Variants in PDGFD observed in about 807,000 individuals in gnomAD.
PDGFD encodes platelet-derived growth factor D.
PDGFD carries 30 observed loss-of-function variants against 44.7 expected under a neutral mutation model. That is an observed-to-expected ratio of 0.67 (90% confidence interval 0.50 to 0.91). The LOEUF (loss-of-function observed/expected upper bound fraction) is 0.91. Ranked by LOEUF, PDGFD falls within the 40% of genes least tolerant of loss-of-function variation. PDGFD has a pLI of 0.00. For synonymous variants in PDGFD, 173 were observed against 168.4 expected (o/e 1.03, Z -0.21); for missense variants, 445 against 457.8 (o/e 0.97, Z 0.25).
chr11:103,973,426 C>T (rs143384860), intron 3 of PDGFD, among the ~76,000 whole-genome samples: 1 of 151,664 alleles, frequency 6.6e-6, no homozygotes, highest in Non-Finnish European at 1.5e-5. Context: ...GGAATACAGG[C>T]GTGAGAAAAG....
chr11:104,039,510 C>T lies in PDGFD; in HGVS notation c.125-39255G>A, dbSNP rs1257893344. 2.6e-5 allele frequency among the ~76,000 whole-genome samples: 4 copies of T among 152,186 alleles called. No homozygotes were observed. The East Asian group carries it at 5.8e-4, about 22-fold the overall frequency. ...AAGAGAGTCACCTCTTCCTTTCTAG[C>T]CACCATCAGTTCACCTCCCATTTTT... On this transcript the variant is annotated intron_variant, in intron 1 of 6. Coordinates refer to ENST00000393158, the MANE Select transcript of PDGFD (RefSeq NM_025208.5).
intron 1 of PDGFD, among the ~76,000 whole-genome samples, chr11:104,069,357 A>G (rs1345345725): frequency 1.3e-5 from 2 of 152,192 alleles, no homozygotes; most frequent in East Asian, 3.8e-4. Flanking sequence ...TGTCTATTAG[A>G]CTCACAAATG....
chr11:104,006,783 T>C (rs942428060), intron 1 of PDGFD, among the ~76,000 whole-genome samples: 1 of 151,676 alleles, frequency 6.6e-6, no homozygotes, highest in South Asian at 2.1e-4. Flanking sequence ...CAGGGAAGAG[T>C]ATATTCCCAC....
At chr11:103,988,266 A>G (rs1859400015) in intron 3 of PDGFD, among the ~76,000 whole-genome samples, 1 of 152,006 alleles carries the variant, frequency 6.6e-6, no homozygotes, top group Non-Finnish European at 1.5e-5. Context: ...TTATCTAAAA[A>G]TCACTACATT....
intron 6 of PDGFD, among the ~76,000 whole-genome samples, chr11:103,922,654 AT>A (rs1858243853): frequency 6.6e-6 from 1 of 152,092 alleles, no homozygotes; most frequent in Non-Finnish European, 1.5e-5. Flanking sequence ...GGCTCAAGCA[AT>A]TCTCCTGCCT....
chr11:104,126,886 CAGAGTAAAAAATTACATG>C (rs113401077), intron 1 of PDGFD, among the ~76,000 whole-genome samples: 19,830 of 152,052 alleles, frequency 0.13, 1,429 homozygotes, highest in East Asian at 0.29. Context: ...ATGATACCCT[CAGAGTAAAAAATTACATG>C]AGCTCTCACA....
intron 1 of PDGFD, among the ~76,000 whole-genome samples, chr11:104,093,802 G>C (rs1389174163): frequency 6.7e-6 from 1 of 150,108 alleles, no homozygotes; most frequent in Non-Finnish European, 1.5e-5. Context: ...TCCCTCGCAT[G>C]CTTCTGAATC....
At chr11:104,036,678 C>T (rs1013907386) in intron 1 of PDGFD, 5 of 669,846 alleles carry the variant, frequency 7.5e-6, no homozygotes, top group African/African-American at 1.8e-5. Context: ...GATGAGTGTC[C>T]GCGCCTCTCT....
chr11:103,998,592 G>T (rs558366828), intron 2 of PDGFD, among the ~76,000 whole-genome samples: 1 of 152,260 alleles, frequency 6.6e-6, no homozygotes, highest in Admixed American at 6.5e-5. Context: ...ACTGGTAATA[G>T]CAAGGAAACT....
chr11:103,956,067 A>AT (rs34481866), intron 3 of PDGFD, among the ~76,000 whole-genome samples: 83 of 143,884 alleles, frequency 5.8e-4, no homozygotes, highest in Middle Eastern at 3.5e-3. Flanking sequence ...TAGTTTGGGA[A>AT]TTTTTTTTTT....
At chr11:104,122,296 T>C (rs751440956) in intron 1 of PDGFD, among the ~76,000 whole-genome samples, 1 of 152,000 alleles carries the variant, frequency 6.6e-6, no homozygotes, top group Admixed American at 6.6e-5. Context: ...ATAAGCAACA[T>C]GGTGCAGGTC....
At chr11:103,965,167 C>T (rs548842901) in intron 3 of PDGFD, among the ~76,000 whole-genome samples, 4 of 152,092 alleles carry the variant, frequency 2.6e-5, no homozygotes, top group African/African-American at 9.7e-5. Flanking sequence ...TCACTCTGCT[C>T]TCTCTGCATT....
intron 1 of PDGFD, chr11:104,037,562 A>C (rs1860271235): frequency 6.2e-7 from 1 of 1,613,928 alleles, no homozygotes; most frequent in African/African-American, 1.3e-5. Flanking sequence ...CTCTACATTA[A>C]CTGCAAAGTG....
At chr11:103,972,868 G>A (rs1343097797) in intron 3 of PDGFD, among the ~76,000 whole-genome samples, 1 of 152,134 alleles carries the variant, frequency 6.6e-6, no homozygotes. Flanking sequence ...TCCAGTTTTT[G>A]TCTGTCTAGT....
At position 103,909,733 on chromosome 11, in the gene PDGFD, TTCATGGTGA is replaced by T; in HGVS notation, c.1065_1073del (p.Asp355_His357del). 1 of 1,614,062 alleles carries T rather than the reference TTCATGGTGA, an allele frequency of 6.2e-7. No individual in the cohort carries two copies. Among genetic ancestry groups the T allele is most frequent in the Non-Finnish European group, 8.5e-7 (1 of 1,179,890 alleles). Reference sequence around the variant, plus strand: ...TTGAGCTGCAGATACAATCACATCGTTCATGGTGATCCAACTGGATGTCAACTAGAGCCA... The same window carrying T: ...TTGAGCTGCAGATACAATCACATCGTTCCAACTGGATGTCAACTAGAGCCA... On this transcript the variant is annotated inframe_deletion, in exon 7 of 7. Coordinates refer to ENST00000393158, the MANE Select transcript of PDGFD (RefSeq NM_025208.5).
At chr11:104,125,487 T>C (rs1565342667) in intron 1 of PDGFD, among the ~76,000 whole-genome samples, 1 of 152,162 alleles carries the variant, frequency 6.6e-6, no homozygotes, top group African/African-American at 2.4e-5. Context: ...ACGAAAATGC[T>C]TGTGAGAGAT....
At chr11:104,129,825 A>G (rs1433547953) in intron 1 of PDGFD, among the ~76,000 whole-genome samples, 3 of 152,002 alleles carry the variant, frequency 2.0e-5, no homozygotes, top group African/African-American at 7.2e-5. Context: ...CCTGGCCAAC[A>G]TGGTGAAACC....
chr11:104,017,366 T>A (rs915386775), intron 1 of PDGFD, among the ~76,000 whole-genome samples: 7 of 152,250 alleles, frequency 4.6e-5, no homozygotes, highest in East Asian at 1.9e-4. Flanking sequence ...TGTTTTTTTT[T>A]AAATTATCCA....
chr11:104,148,139 C>G (rs1052223816), intron 1 of PDGFD, among the ~76,000 whole-genome samples: 1 of 152,014 alleles, frequency 6.6e-6, no homozygotes, highest in African/African-American at 2.4e-5. Flanking sequence ...GTTTTTTTAA[C>G]AGAATACATG....
Sources: gnomAD v4.1 joint callset for allele counts (sites outside exome capture counted in the v4.1 genomes callset) on GRCh38, gnomAD v4.1.1 for gene constraint, MANE v1.5 for transcripts, NCBI Gene and HGNC (gene_info 2026-07-23, HGNC 2026-07-21) for gene names.